PRH1: variants seen among roughly 807,000 people sequenced by gnomAD.
PRH1 encodes proline rich protein HaeIII subfamily 1, also known as salivary acidic proline-rich phosphoprotein 1/2.
PRH1 carries 7 observed loss-of-function variants against 7.9 expected under a neutral mutation model. The ratio of observed to expected loss-of-function variants is 0.89; its 90% CI spans 0.50 to 1.67. The LOEUF (loss-of-function observed/expected upper bound fraction) is 1.67. Among genes scored for constraint, PRH1 ranks in the 40% most tolerant of loss-of-function variants. PRH1 has a pLI of 0.00. For synonymous variants in PRH1, 45 were observed against 80.8 expected (o/e 0.56, Z 2.38); for missense variants, 109 against 223.6 (o/e 0.49, Z 3.27).
At chr12:11,033,755 C>A (rs1942323822) in intron 1 of PRH1, among the ~76,000 whole-genome samples, 1 of 152,084 alleles carries the variant, frequency 6.6e-6, no homozygotes, top group Non-Finnish European at 1.5e-5. Flanking sequence ...TATTTCCCTT[C>A]AGTATATAAT....
At chr12:11,147,963 T>G (rs1158893371) in intron 1 of PRH1, among the ~76,000 whole-genome samples, 1 of 149,160 alleles carries the variant, frequency 6.7e-6, no homozygotes, top group Non-Finnish European at 1.5e-5. Flanking sequence ...TTTATTTCAT[T>G]GAGCAGTGGT....
At position 10,944,808 on chromosome 12, in the gene PRH1, T is replaced by A. The variant is rs117636390; in HGVS notation, c.-59+28847A>T. Among the ~76,000 whole-genome samples, 48 of 152,334 alleles carry A rather than the reference T, an allele frequency of 3.2e-4. No homozygotes were observed. In the East Asian group the frequency reaches 8.9e-3, roughly 28 times the overall value. On this transcript the variant is annotated intron_variant, in intron 2 of 3. Coordinates refer to the PRH1 transcript ENST00000539853. ...TATCAAAAGCCTTTTCTGCATTTAT[T>A]GAGACAGTCATGTGGTTTTTGTCTT... is the stretch of plus-strand genomic sequence containing the variant.
At chr12:10,908,352 C>CTGTGGTCTGAA (rs756458045) in intron 2 of PRH1, 2 of 1,566,716 alleles carry the variant, frequency 1.3e-6, no homozygotes, top group Non-Finnish European at 1.7e-6. Context: ...ATTCAATAAT[C>CTGTGGTCTGAA]TGTGGTCTGA....
At chr12:10,923,285 A>G (rs1176496918) in intron 2 of PRH1, among the ~76,000 whole-genome samples, 1 of 151,446 alleles carries the variant, frequency 6.6e-6, no homozygotes, top group Non-Finnish European at 1.5e-5. Flanking sequence ...GCCACCATGC[A>G]CAGCTAATTT....
intron 1 of PRH1, among the ~76,000 whole-genome samples, chr12:11,156,350 T>A (rs1167405046): frequency 6.6e-6 from 1 of 152,054 alleles, no homozygotes; most frequent in Non-Finnish European, 1.5e-5. Context: ...TTTTCAGTTA[T>A]CTTGTCTGAG....
chr12:11,149,513 C>T (rs71453435), intron 1 of PRH1, among the ~76,000 whole-genome samples: 64,682 of 146,808 alleles, frequency 0.44, 14,852 homozygotes, highest in Non-Finnish European at 0.51. Flanking sequence ...GAAATAACGC[C>T]GCATATCTAC....
intron 2 of PRH1, among the ~76,000 whole-genome samples, chr12:10,951,297 A>T (rs1950566264): frequency 6.6e-6 from 1 of 152,136 alleles, no homozygotes; most frequent in Non-Finnish European, 1.5e-5. Context: ...TGCTATGGAA[A>T]TTTTTAAACC....
At chr12:11,171,189 C>T (rs1296226860) in intron 1 of PRH1, 5 of 407,634 alleles carry the variant, frequency 1.2e-5, no homozygotes, top group African/African-American at 2.0e-5. Context: ...GCCAGCGGCG[C>T]CCGGGGCTAC....
downstream of PRH1, among the ~76,000 whole-genome samples, chr12:11,117,275 C>A (rs1945757439): frequency 6.6e-6 from 1 of 151,994 alleles, no homozygotes; most frequent in Non-Finnish European, 1.5e-5. Flanking sequence ...CAATAGTGAA[C>A]AATTTGAAAA....
rs536649371 is a variant in PRH1, at chr12:11,045,627, G to A, written c.-126+1393C>T. ...ACTTCCTATATCTGTTTACTGATAA[G>A]GTAAATTAATATGTCCACATAATGT... On this transcript the variant is annotated intron_variant, in intron 1 of 3. Transcript: ENST00000539853. Among the ~76,000 whole-genome samples, 4 of 150,754 alleles carry A rather than the reference G, an allele frequency of 2.7e-5. No homozygotes were observed. In the South Asian group the frequency reaches 8.3e-4, roughly 31 times the overall value.
intron 1 of PRH1, chr12:11,021,804 C>T (rs1372070459): frequency 6.2e-7 from 1 of 1,614,246 alleles, no homozygotes; most frequent in South Asian, 1.1e-5. Flanking sequence ...CAAGTTTGCT[C>T]TGCTGTGTCC....
chr12:10,930,539 G>C, intron 2 of PRH1: 1 of 1,525,548 alleles, frequency 6.6e-7, no homozygotes, highest in Non-Finnish European at 8.8e-7. Context: ...GGGAAGGGGG[G>C]AGGTTGGGAG....
At chr12:10,987,542 A>AAGAGAGAG (rs143040427) in intron 1 of PRH1, among the ~76,000 whole-genome samples, 2 of 147,416 alleles carry the variant, frequency 1.4e-5, no homozygotes, top group East Asian at 2.0e-4. Context: ...CAAACACAGA[A>AAGAGAGAG]AGAGAGAGAG....
chr12:10,886,866 A>T (rs772422173), upstream of PRH1, among the ~76,000 whole-genome samples: 1 of 152,084 alleles, frequency 6.6e-6, no homozygotes, highest in East Asian at 1.9e-4. Context: ...CACTTGCCTG[A>T]TCTTTACTAG....
chr12:10,883,897 C>T (rs1949448148), intron 1 of PRH1, among the ~76,000 whole-genome samples: 1 of 152,180 alleles, frequency 6.6e-6, no homozygotes, highest in African/African-American at 2.4e-5. Context: ...ACAGCAGTCC[C>T]ATGTCTCTAT....
chr12:11,151,638 T>G (rs1478968938), intron 1 of PRH1, among the ~76,000 whole-genome samples: 1 of 152,188 alleles, frequency 6.6e-6, no homozygotes, highest in Non-Finnish European at 1.5e-5. Flanking sequence ...AATAAATTAC[T>G]AGGATACAAG....
chr12:11,147,884 G>C (rs560522986), intron 1 of PRH1, among the ~76,000 whole-genome samples: 1 of 151,720 alleles, frequency 6.6e-6, no homozygotes, highest in Admixed American at 6.6e-5. Context: ...GGGCAGTATG[G>C]CCATTTTCAC....
chr12:11,030,689 G>T (rs1942153507), intron 1 of PRH1: 1 of 1,614,066 alleles, frequency 6.2e-7, no homozygotes, highest in Admixed American at 1.7e-5. Context: ...GGGATCTTGA[G>T]ATCCTTTACC....
intron 1 of PRH1, among the ~76,000 whole-genome samples, chr12:11,003,757 T>C (rs917044317): frequency 6.6e-6 from 1 of 151,962 alleles, no homozygotes; most frequent in Admixed American, 6.6e-5. Flanking sequence ...TAAATGTGAT[T>C]ATATTGAATG....
Sources: gnomAD v4.1 joint callset for allele counts (sites outside exome capture counted in the v4.1 genomes callset) on GRCh38, gnomAD v4.1.1 for gene constraint, MANE v1.5 for transcripts, NCBI Gene and HGNC (gene_info 2026-07-23, HGNC 2026-07-21) for gene names.